Variants in MPI observed in about 807,000 individuals in gnomAD.
The protein encoded by MPI is mannose phosphate isomerase.
MPI carries 33 observed loss-of-function variants against 40.1 expected under a neutral mutation model. The observed-to-expected ratio is 0.82, with a 90% confidence interval of 0.62 to 1.10. MPI has a LOEUF of 1.10. Among genes scored for constraint, MPI ranks in the 50% least tolerant of loss-of-function variants. MPI has a pLI of 0.00. For synonymous variants in MPI, 187 were observed against 207.4 expected (o/e 0.90, Z 0.85); for missense variants, 514 against 524.1 (o/e 0.98, Z 0.19).
chr15:74,893,062 T>C, intron 4 of MPI, 76 bp from the exon 5 acceptor site: 2 of 1,577,744 alleles, frequency 1.3e-6, no homozygotes, highest in South Asian at 2.2e-5. Flanking sequence ...GATGGAAAGG[T>C]GTCCTCCAAC....
At chr15:74,894,822 T>A (rs1020308804) in intron 5 of MPI, among the ~76,000 whole-genome samples, 2 of 150,968 alleles carry the variant, frequency 1.3e-5, no homozygotes, top group African/African-American at 2.4e-5. Context: ...AGAAAAAAAA[T>A]TTAAAAATTA....
In MPI at chr15:74,897,036, A is replaced by C. The variant is rs2064828559; in HGVS notation, c.870A>C (p.Ser290=). The C allele has an allele frequency of 6.2e-7, 1 of 1,614,078 alleles. No homozygotes were observed. The highest frequency in any genetic ancestry group is 8.5e-7 in the Non-Finnish European group (1 of 1,180,034). ...ACTGCGTGGAGTGCATGGCGTGTTC[A>C]GACAACACAGTTCGTGCTGGCCTGA... ...KGDCVECMAC[S]DNTVRAGLTP... is the part of the protein sequence containing the mutation. The change falls in exon 7 of 8, where the codon TCA becomes TCC. Residue 290 remains serine (S), a synonymous_variant. Transcript: ENST00000352410.
At chr15:74,891,282 T>G in intron 2 of MPI, 97 bp from the exon 3 acceptor site, 1 of 1,157,358 alleles carries the variant, frequency 8.6e-7, no homozygotes. Context: ...CAGGACTCAG[T>G]TGCCCTGTGG....
rs2064727426 is a variant in MPI, at chr15:74,891,582, A to G, written c.345+3A>G. 6.2e-7 allele frequency: 1 copy of G among 1,613,998 alleles called. No individual in the cohort carries two copies. Among genetic ancestry groups the G allele is most frequent in the Non-Finnish European group, 8.5e-7 (1 of 1,179,974 alleles). ...CCATCCAGGCACACCCTAACAAGGT[A>G]AAGGACAGAGTGCGGTGCAGAGGTC... On this transcript the variant is annotated splice_donor_region_variant and intron_variant, in intron 3 of 7. Coordinates refer to ENST00000352410, the MANE Select transcript of MPI (RefSeq NM_002435.3).
chr15:74,893,363 T>G (rs2064755729), intron 5 of MPI, 43 bp downstream of exon 5: 1 of 1,607,484 alleles, frequency 6.2e-7, no homozygotes, highest in Non-Finnish European at 8.5e-7. Context: ...TGCTCTGGCC[T>G]GGGCTTCCCA....
intron 4 of MPI, 73 bp from the exon 5 acceptor site, chr15:74,893,065 C>T (rs1237359369): frequency 6.9e-6 from 11 of 1,585,972 alleles, no homozygotes; most frequent in Non-Finnish European, 9.5e-6. Context: ...GGAAAGGTGT[C>T]CTCCAACTCC....
In MPI at chr15:74,890,106, G is replaced by C; in HGVS notation, c.16+17G>C. The C allele has an allele frequency of 6.2e-7, 1 of 1,607,958 alleles. No individual in the cohort carries two copies. The highest frequency in any genetic ancestry group is 1.1e-5 in the South Asian group (1 of 91,078). On this transcript the variant is annotated intron_variant, in intron 1 of 7. Coordinates refer to ENST00000352410, the MANE Select transcript of MPI (RefSeq NM_002435.3). ...CTCCGCGAGGTGAGCCATTGGCTGG[G>C]GTGTCGGCGAGTGTGTTCGTGGAGC...
In MPI at chr15:74,892,803, G is replaced by GT; in HGVS notation, c.487+2dup. On this transcript the variant is annotated splice_donor_variant, in intron 4 of 7. Coordinates refer to ENST00000352410, the MANE Select transcript of MPI (RefSeq NM_002435.3). LOFTEE classifies it high-confidence loss of function. ...GAGGAGATTGTAACCTTTCTAAAGA[G>GT]TAAGTTGGGCAGAATGCTGAAGGCA... 1 of 1,614,250 alleles carries GT rather than the reference G, an allele frequency of 6.2e-7. No homozygotes were observed. Among genetic ancestry groups the GT allele is most frequent in the Non-Finnish European group, 8.5e-7 (1 of 1,180,040 alleles).
rs772418022 is a variant in MPI at position 74,897,008 on chromosome 15, C to A, written c.845-3C>A. On this transcript the variant is annotated splice_polypyrimidine_tract_variant and splice_region_variant and intron_variant, in intron 6 of 7. Coordinates refer to ENST00000352410, the MANE Select transcript of MPI (RefSeq NM_002435.3). ...GCTTAGCACATGACGACTGTCTCTC[C>A]AGACTGCGTGGAGTGCATGGCGTGT... 2 of 1,614,100 alleles carry A rather than the reference C, an allele frequency of 1.2e-6. No homozygotes were observed. The highest frequency in any genetic ancestry group is 1.7e-6 in the Non-Finnish European group (2 of 1,179,964).
Position 74,897,920 on chromosome 15 carries a change from G to T in MPI, c.*190G>T. The T allele has an allele frequency of 1.5e-6, 1 of 671,362 alleles. No individual in the cohort carries two copies. The highest frequency in any genetic ancestry group is 2.7e-6 in the Non-Finnish European group (1 of 369,432). The allele number at this position is 671,362 out of a possible 1,614,324, so 41.6% of individuals were successfully genotyped here. A position where few individuals can be genotyped will look rare whatever the true frequency, so the allele number is the denominator to read the frequency against. ...CACACCCAGGTGGAACCATCTTTGGGGAGGAGAGGCCCGTGTGAGGGGTCT... is the reference window on the plus strand; with the variant it reads ...CACACCCAGGTGGAACCATCTTTGGTGAGGAGAGGCCCGTGTGAGGGGTCT... On this transcript the variant is annotated 3_prime_UTR_variant, in exon 8 of 8. Transcript: ENST00000352410.
rs1281905432 is a variant in MPI at position 74,891,657 on chromosome 15, CT to C, written c.345+82del. ...GGCCCTCCCGTGACTTTTACTGCCA[CT>C]TTTACCCCACCCATGCCAGGCTCCT... On this transcript the variant is annotated intron_variant, in intron 3 of 7. Transcript: ENST00000352410. The C allele has an allele frequency of 3.3e-6, 5 of 1,494,608 alleles. No individual in the cohort carries two copies. The South Asian group carries it at 5.7e-5, about 17-fold the overall frequency. 92.6% of individuals were successfully genotyped at this position (1,494,608 alleles called of 1,614,324 possible). A position where few individuals can be genotyped will look rare whatever the true frequency, so the allele number is the denominator to read the frequency against.
At chr15:74,894,972 CT>C (rs1260412929) in intron 5 of MPI, among the ~76,000 whole-genome samples, 76 of 140,226 alleles carry the variant, frequency 5.4e-4, no homozygotes, top group Admixed American at 6.5e-4. Context: ...ATAGAACTTT[CT>C]TTTTTTTTTT....
At position 74,894,107 on chromosome 15, in the gene MPI, T is replaced by TGTTTTCTGAGCCAG. The variant is rs1555478772; in HGVS notation, c.670+788_670+789insTTTTCTGAGCCAGG. Among the ~76,000 whole-genome samples, 476 of 60,998 alleles carry TGTTTTCTGAGCCAG rather than the reference T, an allele frequency of 7.8e-3. 127 individuals are homozygous for TGTTTTCTGAGCCAG. The highest frequency in any genetic ancestry group is 0.016 in the Admixed American group (81 of 5,056). The allele number at this position is 60,998 out of a possible 152,430, so 40.0% of individuals were successfully genotyped here. ...GTGTGTGTGTGTGTGTGTGTGTGTG[T>TGTTTTCTGAGCCAG]GGTCTCTTTCTGTTGCCCCAGGCTG... On this transcript the variant is annotated intron_variant, in intron 5 of 7. Transcript: ENST00000352410.
chr15:74,891,093 G>T (rs2064719014), intron 2 of MPI: 2 of 592,250 alleles, frequency 3.4e-6, no homozygotes, highest in Admixed American at 2.4e-5. Flanking sequence ...TACCTTGACA[G>T]TGCAGATGTC....
chr15:74,894,083 T>TG (rs1567267157), intron 5 of MPI, among the ~76,000 whole-genome samples: 2 of 63,134 alleles, frequency 3.2e-5, no homozygotes, highest in East Asian at 1.9e-3. Context: ...TGTGTGTGTG[T>TG]GTGTGTGTGT....
chr15:74,896,966 T>C, intron 6 of MPI, 45 bp from the exon 7 acceptor site: 1 of 1,592,868 alleles, frequency 6.3e-7, no homozygotes, highest in Non-Finnish European at 8.6e-7. Flanking sequence ...ACTGGAGAGC[T>C]AAGGCATACT....
intron 2 of MPI, 59 bp downstream of exon 2, chr15:74,890,713 G>A (rs2064713611): frequency 6.2e-7 from 1 of 1,605,976 alleles, no homozygotes; most frequent in South Asian, 1.1e-5. Context: ...AAGGGCCTGA[G>A]GCAAGTCATA....
In MPI at chr15:74,901,932, C is replaced by T; in HGVS notation, c.*4202C>T. On this transcript the variant is annotated 3_prime_UTR_variant, in exon 8 of 8. Coordinates refer to ENST00000352410, the MANE Select transcript of MPI (RefSeq NM_002435.3). ...TTTCTCTAACTAGGGAAGGGCAAAC[C>T]AGAATCACTAAACTCACCCGGACGG... 1 of 396,006 alleles carries T rather than the reference C, an allele frequency of 2.5e-6. No homozygotes were observed. The highest frequency in any genetic ancestry group is 4.4e-5 in the Admixed American group (1 of 22,632). The allele number at this position is 396,006 out of a possible 1,614,324, so 24.5% of individuals were successfully genotyped here.
In MPI at chr15:74,897,990, C is replaced by A; in HGVS notation, c.*260C>A. On this transcript the variant is annotated 3_prime_UTR_variant, in exon 8 of 8. Transcript: ENST00000352410. ...CTCTCTACTCCTCGCTACACCTGAG[C>A]CAGGCTCTTGCCAACTCTGTTCCAG... The A allele has an allele frequency of 1.9e-6, 1 of 533,936 alleles. No individual in the cohort carries two copies. The highest frequency in any genetic ancestry group is 3.4e-6 in the Non-Finnish European group (1 of 290,902). 33.1% of individuals were successfully genotyped at this position (533,936 alleles called of 1,614,324 possible). A position where few individuals can be genotyped will look rare whatever the true frequency, so the allele number is the denominator to read the frequency against.
Sources: allele counts gnomAD v4.1 joint callset (sites outside exome capture counted in the v4.1 genomes callset), GRCh38; gene constraint gnomAD v4.1.1; transcripts MANE v1.5; gene names NCBI Gene and HGNC (gene_info 2026-07-23, HGNC 2026-07-21).